Variants in SHISA9 observed in about 807,000 individuals in gnomAD.
The protein encoded by SHISA9 is protein shisa-9.
In SHISA9, 13 loss-of-function variants were observed where a neutral mutation model predicts 38.0. That is an observed-to-expected ratio of 0.34 (90% CI 0.22 to 0.54). The LOEUF (loss-of-function observed/expected upper bound fraction) is 0.54. Ranked by LOEUF, SHISA9 falls within the 20% of genes least tolerant of loss-of-function variation. The pLI is 0.91. For synonymous variants in SHISA9, 275 were observed against 242.0 expected, an observed-to-expected ratio of 1.14 and a Z score of -1.27; for missense variants, 538 against 575.8, an observed-to-expected ratio of 0.93 and a Z score of 0.67.
chr16:13,048,898 A>C (rs556422712), intron 2 of SHISA9, among the ~76,000 whole-genome samples: 1 of 152,222 alleles, frequency 6.6e-6, no homozygotes, highest in Non-Finnish European at 1.5e-5. Flanking sequence ...GAATTATTCA[A>C]TTAAATGCAT....
chr16:12,977,948 C>T (rs2072186979), intron 2 of SHISA9, among the ~76,000 whole-genome samples: 1 of 151,918 alleles, frequency 6.6e-6, no homozygotes, highest in Admixed American at 6.6e-5. Context: ...CAAACCTGCA[C>T]ATCCCGCACA....
the SHISA9 span, among the ~76,000 whole-genome samples, chr16:13,522,015 G>T: frequency 6.6e-6 from 1 of 152,086 alleles, no homozygotes; most frequent in Non-Finnish European, 1.5e-5. Flanking sequence ...GTCCAGAAAC[G>T]GAACTCTAAA....
the SHISA9 span, among the ~76,000 whole-genome samples, chr16:13,391,510 G>C: frequency 6.6e-6 from 1 of 152,172 alleles, no homozygotes; most frequent in East Asian, 1.9e-4. Context: ...AATCTATGCC[G>C]TGCCATCTGC....
chr16:13,328,298 C>T, the SHISA9 span, among the ~76,000 whole-genome samples: 7 of 152,120 alleles, frequency 4.6e-5, no homozygotes, highest in Non-Finnish European at 1.0e-4. Flanking sequence ...AGTCTATTTT[C>T]GCCCTGGACA....
the SHISA9 span, among the ~76,000 whole-genome samples, chr16:13,476,755 T>TG: frequency 1.5e-5 from 2 of 134,516 alleles, no homozygotes; most frequent in African/African-American, 5.5e-5. Flanking sequence ...TTTTTTTTTT[T>TG]TTTTTTTTTT....
intron 2 of SHISA9, among the ~76,000 whole-genome samples, chr16:13,012,904 C>T (rs566799657): frequency 2.7e-4 from 41 of 152,230 alleles, no homozygotes; most frequent in Admixed American, 1.8e-3. Context: ...CTGTGACAGC[C>T]TCTGTGCTTG....
chr16:13,247,279 T>G, the SHISA9 span, among the ~76,000 whole-genome samples: 1 of 152,300 alleles, frequency 6.6e-6, no homozygotes, highest in East Asian at 1.9e-4. Flanking sequence ...GGGATTACAA[T>G]GAGAGATTAA....
At chr16:13,111,319 A>G (rs2073975819) in intron 2 of SHISA9, among the ~76,000 whole-genome samples, 1 of 151,216 alleles carries the variant, frequency 6.6e-6, no homozygotes, top group Non-Finnish European at 1.5e-5. Context: ...AGTATCCAGA[A>G]TCTACAAAGA....
At chr16:13,277,395 C>A in the SHISA9 span, among the ~76,000 whole-genome samples, 5 of 151,822 alleles carry the variant, frequency 3.3e-5, no homozygotes, top group Non-Finnish European at 7.4e-5. Context: ...TTTGGCTATG[C>A]AGGCTCTTTT....
At chr16:13,372,222 C>T in the SHISA9 span, among the ~76,000 whole-genome samples, 1 of 152,176 alleles carries the variant, frequency 6.6e-6, no homozygotes, top group African/African-American at 2.4e-5. Flanking sequence ...TGGGTAGGCA[C>T]ACTACACTAG....
chr16:13,420,110 G>A, the SHISA9 span, among the ~76,000 whole-genome samples: 1 of 152,044 alleles, frequency 6.6e-6, no homozygotes, highest in East Asian at 1.9e-4. Flanking sequence ...GCCAGGTGTG[G>A]TGGTGGGCAC....
intron 2 of SHISA9, among the ~76,000 whole-genome samples, chr16:12,961,784 C>G (rs1176715971): frequency 6.6e-6 from 1 of 152,190 alleles, no homozygotes; most frequent in Non-Finnish European, 1.5e-5. Context: ...CAGCTCTCTC[C>G]TGTGAACAGC....
At chr16:13,061,979 G>A (rs1232536136) in intron 2 of SHISA9, among the ~76,000 whole-genome samples, 1 of 152,208 alleles carries the variant, frequency 6.6e-6, no homozygotes, top group Non-Finnish European at 1.5e-5. Flanking sequence ...GAGCAGGCCG[G>A]TGGGGCTGGA....
the SHISA9 span, among the ~76,000 whole-genome samples, chr16:13,427,552 TG>T: frequency 6.6e-6 from 1 of 152,162 alleles, no homozygotes; most frequent in Admixed American, 6.5e-5. Flanking sequence ...GGAAGACATG[TG>T]GCTTGAGTTG....
intron 3 of SHISA9, among the ~76,000 whole-genome samples, chr16:13,203,969 A>G (rs151127391): frequency 6.6e-5 from 10 of 152,074 alleles, no homozygotes; most frequent in East Asian, 1.9e-4. Context: ...TCTATCATCT[A>G]TCAATCCATC....
At chr16:13,364,259 C>G in the SHISA9 span, among the ~76,000 whole-genome samples, 1 of 152,132 alleles carries the variant, frequency 6.6e-6, no homozygotes, top group African/African-American at 2.4e-5. Context: ...TGAAATAGAC[C>G]AGAATCTGGG....
chr16:12,970,393 A>ATATATATG (rs1567357013), intron 2 of SHISA9, among the ~76,000 whole-genome samples: 1 of 10,282 alleles, frequency 9.7e-5, no homozygotes, highest in Non-Finnish European at 2.0e-4. Flanking sequence ...ATATATGTAT[A>ATATATATG]TATATATATA....
the SHISA9 span, among the ~76,000 whole-genome samples, chr16:13,539,674 G>C: frequency 6.6e-6 from 1 of 152,126 alleles, no homozygotes; most frequent in African/African-American, 2.4e-5. Context: ...ACAGGGGTTT[G>C]ATGAACAGAT....
chr16:13,364,028 T>C, the SHISA9 span, among the ~76,000 whole-genome samples: 3 of 152,172 alleles, frequency 2.0e-5, no homozygotes, highest in South Asian at 6.2e-4. Flanking sequence ...AGTTTGAGGG[T>C]CACTGATCTG....
Sources: allele counts gnomAD v4.1 joint callset (sites outside exome capture counted in the v4.1 genomes callset), GRCh38; gene constraint gnomAD v4.1.1; transcripts MANE v1.5; gene names NCBI Gene and HGNC (gene_info 2026-07-23, HGNC 2026-07-21).